The following GCN1 variants were observed in gnomAD, a reference collection of about 807,000 sequenced individuals.
GCN1 encodes stalled ribosome sensor GCN1.
In GCN1, 90 loss-of-function variants were observed where a neutral mutation model predicts 288.4. The ratio of observed to expected loss-of-function variants is 0.31; its 90% confidence interval spans 0.26 to 0.37. The LOEUF (loss-of-function observed/expected upper bound fraction) is 0.37. Ranked by LOEUF, GCN1 falls within the 10% of genes least tolerant of loss-of-function variation. The pLI, the probability that GCN1 is intolerant of heterozygous loss-of-function variation, is 1.00. For missense variants in GCN1, 2,586 were observed against 3,419.9 expected (o/e 0.76, Z 6.08); for synonymous variants, 1,386 against 1,420.2 (o/e 0.98, Z 0.54).
chr12:120,148,107 G>A, intron 37 of GCN1, 60 bp downstream of exon 37: 6 of 1,281,018 alleles, frequency 4.7e-6, no homozygotes, highest in Non-Finnish European at 6.6e-6. Context: ...TCCCTGCAGT[G>A]TCCAAAGGCT....
intron 18 of GCN1, 75 bp from the exon 19 acceptor site, chr12:120,163,334 G>T: frequency 1.7e-6 from 2 of 1,186,936 alleles, no homozygotes; most frequent in Non-Finnish European, 2.5e-6. Context: ...AATATGCTAC[G>T]GACACAGCGG....
At position 120,168,299 on chromosome 12, in the gene GCN1, C is replaced by T; in HGVS notation, c.1521G>A (p.Glu507=). The T allele has an allele frequency of 1.3e-6, 2 of 1,591,152 alleles. No homozygotes were observed. Among genetic ancestry groups the T allele is most frequent in the Non-Finnish European group, 1.7e-6 (2 of 1,159,086 alleles). Reference sequence around the variant, plus strand: ...ACTGCCAGAAACTGCTCAGTTTGGCCTCTGCAAGAAACAAAAGGTTACCCC... The same window carrying T: ...ACTGCCAGAAACTGCTCAGTTTGGCTTCTGCAAGAAACAAAAGGTTACCCC... ...LKLSVADSQA[E]AKLSSFWQLI... The change falls in exon 16 of 58, where the codon GAG becomes GAA. Residue 507 remains glutamate (E), a splice_region_variant and synonymous_variant. Transcript: ENST00000300648.
At chr12:120,150,406 C>T (rs1029594530) in intron 34 of GCN1, among the ~76,000 whole-genome samples, 2 of 151,112 alleles carry the variant, frequency 1.3e-5, no homozygotes, top group South Asian at 4.2e-4. Flanking sequence ...ACCATCTTGG[C>T]CAACATGGTG....
At chr12:120,135,735 G>C (rs1242331668) in intron 51 of GCN1, among the ~76,000 whole-genome samples, 1 of 152,142 alleles carries the variant, frequency 6.6e-6, no homozygotes, top group Non-Finnish European at 1.5e-5. Flanking sequence ...GGAAATACTG[G>C]AGTTGGGTGG....
intron 53 of GCN1, 126 bp from the exon 54 acceptor site, chr12:120,132,148 C>A: frequency 3.0e-6 from 2 of 667,222 alleles, no homozygotes; most frequent in South Asian, 3.4e-5. Context: ...AACTCAGAGA[C>A]TCAAGATCCA....
Position 120,132,553 on chromosome 12 carries a change from C to T in GCN1, c.7318-531G>A, listed in dbSNP as rs567071207. Among the ~76,000 whole-genome samples, 4 of 152,174 alleles carry T rather than the reference C, an allele frequency of 2.6e-5. 1 individual carries two copies. The South Asian group carries it at 6.2e-4, about 24-fold the overall frequency. On this transcript the variant is annotated intron_variant, in intron 53 of 57. Coordinates refer to ENST00000300648, the MANE Select transcript of GCN1 (RefSeq NM_006836.2). ...TACTGCATGAGTGCCCCACTGCCAC[C>T]GAAATTACTTGGGTTCATCCTAGGA...
intron 31 of GCN1, among the ~76,000 whole-genome samples, 175 bp from the exon 32 acceptor site, chr12:120,154,084 C>G (rs1370934364): frequency 6.6e-6 from 1 of 152,182 alleles, no homozygotes; most frequent in Non-Finnish European, 1.5e-5. Flanking sequence ...CTGGAACAAC[C>G]CACTTGTCAT....
Position 120,161,865 on chromosome 12 carries a change from T to G in GCN1, c.2342+15A>C, listed in dbSNP as rs757965718. 14 of 1,612,184 alleles carry G rather than the reference T, an allele frequency of 8.7e-6. No homozygotes were observed. The South Asian group carries it at 1.4e-4, about 16-fold the overall frequency. ...TGGGGAGCAAAGGAAACTGAGCCCA[T>G]AAGTGAGGTCTCACCTCTGAATGAT... On this transcript the variant is annotated intron_variant, in intron 21 of 57. Coordinates refer to ENST00000300648, the MANE Select transcript of GCN1 (RefSeq NM_006836.2).
chr12:120,183,298 G>A (rs556889500), intron 5 of GCN1, among the ~76,000 whole-genome samples: 1 of 152,320 alleles, frequency 6.6e-6, no homozygotes, highest in African/African-American at 2.4e-5. Flanking sequence ...CACATGCCAT[G>A]AAATCAGGGG....
chr12:120,153,665 C>G lies in GCN1; in HGVS notation c.3867+79G>C. On this transcript the variant is annotated intron_variant, in intron 32 of 57. Coordinates refer to ENST00000300648, the MANE Select transcript of GCN1 (RefSeq NM_006836.2). The surrounding 1 kb of genome is among the most constrained non-coding windows in gnomAD (Gnocchi z 4.4). ...ATTTCTGGCCCCTGCTCAGCCCTAG[C>G]GCCTGCCTCCCGTGTCTCCTTAGCG... 1 of 1,389,184 alleles carries G rather than the reference C, an allele frequency of 7.2e-7. No homozygotes were observed. The highest frequency in any genetic ancestry group is 1.0e-6 in the Non-Finnish European group (1 of 993,024). 86.1% of individuals were successfully genotyped at this position (1,389,184 alleles called of 1,614,324 possible). A position where few individuals can be genotyped will look rare whatever the true frequency, so the allele number is the denominator to read the frequency against.
chr12:120,143,249 G>A (rs73412815), intron 42 of GCN1, among the ~76,000 whole-genome samples: 228 of 152,328 alleles, frequency 1.5e-3, no homozygotes, highest in African/African-American at 5.3e-3. Context: ...TAGGAAGACT[G>A]ATCATCAGAA....
intron 14 of GCN1, 134 bp downstream of exon 14, chr12:120,173,519 T>C (rs77937331): frequency 3.1e-6 from 2 of 645,498 alleles, no homozygotes; most frequent in Non-Finnish European, 5.5e-6. Context: ...CCCAATGCTC[T>C]CATTTATTTC....
rs181770494 is a variant in GCN1, at chr12:120,135,907, T to C, written c.7008+595A>G. 4.0e-3 allele frequency among the ~76,000 whole-genome samples: 614 copies of C among 151,924 alleles called. 5 individuals are homozygous for C. Among genetic ancestry groups the C allele is most frequent in the African/African-American group, 0.014 (591 of 41,446 alleles). On this transcript the variant is annotated intron_variant, in intron 51 of 57. Transcript: ENST00000300648. ...GGCAGACACCTGTAATCCCAGCTAC[T>C]TGGGAGGCTGAGGCAGAAGAATTGC...
chr12:120,167,468 G>T (rs990305275), intron 16 of GCN1, among the ~76,000 whole-genome samples: 5 of 151,886 alleles, frequency 3.3e-5, no homozygotes, highest in African/African-American at 9.7e-5. Context: ...TGTAAAAAAG[G>T]TACAGAACAA....
In GCN1 at chr12:120,153,102, G is replaced by A; in HGVS notation, c.4062+111C>T. On this transcript the variant is annotated intron_variant, in intron 33 of 57. Coordinates refer to ENST00000300648, the MANE Select transcript of GCN1 (RefSeq NM_006836.2). The surrounding 1 kb of genome is among the most constrained non-coding windows in gnomAD (Gnocchi z 4.4). ...GGGGGTGAATCCTTAACAAGAACTG[G>A]GCTTTCAGGGCCCTGATTGTCCAAC... is the stretch of plus-strand genomic sequence containing the variant. 2.4e-6 allele frequency: 2 copies of A among 829,754 alleles called. No homozygotes were observed. The highest frequency in any genetic ancestry group is 3.8e-6 in the Non-Finnish European group (2 of 522,472). The allele number at this position is 829,754 out of a possible 1,614,324, so 51.4% of individuals were successfully genotyped here.
At chr12:120,176,894 G>C (rs1304660113) in intron 9 of GCN1, among the ~76,000 whole-genome samples, 1 of 152,126 alleles carries the variant, frequency 6.6e-6, no homozygotes, top group Non-Finnish European at 1.5e-5. Context: ...AGTCTCCTGA[G>C]TAGCTAGGAC....
intron 4 of GCN1, 149 bp downstream of exon 4, chr12:120,183,963 A>G: frequency 1.4e-6 from 1 of 736,620 alleles, no homozygotes; most frequent in Non-Finnish European, 2.2e-6. Context: ...CCTTGCTTCC[A>G]CTGTTTCCCA....
intron 5 of GCN1, among the ~76,000 whole-genome samples, chr12:120,180,123 A>G (rs1196520515): frequency 6.6e-6 from 1 of 152,042 alleles, no homozygotes; most frequent in Non-Finnish European, 1.5e-5. Flanking sequence ...TCTGACCAAC[A>G]TGGAGAAACC....
chr12:120,160,925 G>A (rs1438635837), intron 22 of GCN1, among the ~76,000 whole-genome samples: 1 of 152,162 alleles, frequency 6.6e-6, no homozygotes, highest in African/African-American at 2.4e-5. Context: ...AGGAAGGGTG[G>A]GGTCTACTTT....
Sources: gnomAD v4.1 joint callset for allele counts (sites outside exome capture counted in the v4.1 genomes callset) on GRCh38, gnomAD v4.1.1 for gene constraint, Gnocchi (gnomAD v3.1) non-coding constraint, MANE v1.5 for transcripts, NCBI Gene and HGNC (gene_info 2026-07-23, HGNC 2026-07-21) for gene names.